The following ADK variants were observed in gnomAD, a reference collection of about 807,000 sequenced individuals.
ADK encodes the protein adenosine kinase.
ADK carries 24 observed loss-of-function variants against 44.7 expected under a neutral mutation model. The observed-to-expected ratio is 0.54, with a 90% CI of 0.39 to 0.76. ADK has a LOEUF of 0.76. ADK is among the 30% of genes least tolerant of loss of function. ADK has a pLI of 0.00. For missense variants in ADK, 321 were observed against 425.1 expected (o/e 0.76, Z 2.15); for synonymous variants, 128 against 142.6 (o/e 0.90, Z 0.73).
chr10:74,285,847 A>G lies in ADK; in HGVS notation c.195-28820A>G, dbSNP rs193138574. Among the ~76,000 whole-genome samples the G allele has an allele frequency of 3.3e-5, 5 of 152,096 alleles. No homozygotes were observed. In the East Asian group the frequency reaches 7.7e-4, roughly 23 times the overall value. On this transcript the variant is annotated intron_variant, in intron 3 of 10. Transcript: ENST00000539909. ...CTTAGTGGTTTAAAAAGTGAGTGAG[A>G]GGTTATAGTCAGGTTGGGACTATGT...
At chr10:74,655,496 G>A (rs1589339387) in intron 9 of ADK, 1 of 485,986 alleles carries the variant, frequency 2.1e-6, no homozygotes, top group Non-Finnish European at 4.2e-6. Context: ...GCTGCCACTG[G>A]CTCACTCAGG....
chr10:74,499,927 A>C (rs886370070), intron 6 of ADK, among the ~76,000 whole-genome samples: 2 of 152,150 alleles, frequency 1.3e-5, no homozygotes, highest in Non-Finnish European at 1.5e-5. Context: ...AAGAGTGAGC[A>C]GGTAGATAAG....
intron 7 of ADK, among the ~76,000 whole-genome samples, chr10:74,540,124 A>G (rs1341565761): frequency 6.6e-6 from 1 of 152,196 alleles, no homozygotes; most frequent in Non-Finnish European, 1.5e-5. Flanking sequence ...GTAAAAAGCC[A>G]TCTAATTATT....
At chr10:74,157,182 G>C (rs748679667) in intron 1 of ADK, among the ~76,000 whole-genome samples, 10 of 152,184 alleles carry the variant, frequency 6.6e-5, no homozygotes, top group Non-Finnish European at 1.3e-4. Context: ...AGAGCACCAA[G>C]CTTGGAGGTC....
chr10:74,243,629 C>G (rs1429362283), intron 3 of ADK, among the ~76,000 whole-genome samples: 1 of 152,070 alleles, frequency 6.6e-6, no homozygotes, highest in African/African-American at 2.4e-5. Flanking sequence ...GCCTGTAATC[C>G]CAGCACTTTG....
At chr10:74,178,087 G>A (rs1464692811) in intron 1 of ADK, among the ~76,000 whole-genome samples, 1 of 151,802 alleles carries the variant, frequency 6.6e-6, no homozygotes, top group Non-Finnish European at 1.5e-5. Context: ...AATTATAGGC[G>A]CCAGCCACCA....
At chr10:74,623,983 T>C (rs1157989322) in intron 9 of ADK, among the ~76,000 whole-genome samples, 1 of 152,162 alleles carries the variant, frequency 6.6e-6, no homozygotes, top group Non-Finnish European at 1.5e-5. Context: ...TTCTTTTGGC[T>C]GAAACACTGC....
chr10:74,465,519 T>C (rs1846320287), intron 6 of ADK, among the ~76,000 whole-genome samples: 2 of 152,188 alleles, frequency 1.3e-5, no homozygotes, highest in Non-Finnish European at 2.9e-5. Context: ...TTATTCTCAC[T>C]GTTATATGGA....
At chr10:74,428,908 CACA>C (rs1189868001) in intron 6 of ADK, among the ~76,000 whole-genome samples, 1 of 152,196 alleles carries the variant, frequency 6.6e-6, no homozygotes, top group African/African-American at 2.4e-5. Flanking sequence ...CTGAGAAGTA[CACA>C]ACATCATCTA....
rs181825836 is a variant in ADK at position 74,574,022 on chromosome 10, G to A, written c.727-15260G>A. 2.0e-4 allele frequency among the ~76,000 whole-genome samples: 30 copies of A among 152,200 alleles called. 1 individual carries two copies. The highest frequency in any genetic ancestry group is 1.6e-3 in the Admixed American group (25 of 15,298). ...CAGTGCGCTGCACCCACTGTCCTGCGCCCACTGTCTGGCACTCCCTAGTGA... is the reference window on the plus strand; with the variant it reads ...CAGTGCGCTGCACCCACTGTCCTGCACCCACTGTCTGGCACTCCCTAGTGA... On this transcript the variant is annotated intron_variant, in intron 7 of 10. Transcript: ENST00000539909.
chr10:74,261,264 C>T (rs1296142417), intron 3 of ADK, among the ~76,000 whole-genome samples: 2 of 152,124 alleles, frequency 1.3e-5, no homozygotes, highest in Admixed American at 6.5e-5. Flanking sequence ...GGCTAATTTG[C>T]TAATCTCCCC....
chr10:74,329,354 A>C (rs1359156589), intron 4 of ADK, among the ~76,000 whole-genome samples: 2 of 152,152 alleles, frequency 1.3e-5, no homozygotes, highest in African/African-American at 4.8e-5. Context: ...GAATTAAGCC[A>C]AGCTGGGCAA....
chr10:74,702,532 C>CTTCT (rs1436350751), intron 10 of ADK, among the ~76,000 whole-genome samples: 1 of 143,094 alleles, frequency 7.0e-6, no homozygotes, highest in Non-Finnish European at 1.5e-5. Context: ...TCTTTCCTTC[C>CTTCT]TTCCTTCCTT....
intron 6 of ADK, among the ~76,000 whole-genome samples, chr10:74,413,797 CTA>C (rs1844270798): frequency 1.3e-5 from 2 of 152,322 alleles, no homozygotes; most frequent in African/African-American, 4.8e-5. Flanking sequence ...GCCTTCCTCA[CTA>C]AACTCAATCA....
At chr10:74,419,542 C>T (rs1335671648) in intron 6 of ADK, among the ~76,000 whole-genome samples, 1 of 152,142 alleles carries the variant, frequency 6.6e-6, no homozygotes, top group Non-Finnish European at 1.5e-5. Flanking sequence ...TGACAATGCA[C>T]ACACTGCTAA....
chr10:74,642,560 T>C (rs987760976), intron 9 of ADK, among the ~76,000 whole-genome samples: 1 of 151,994 alleles, frequency 6.6e-6, no homozygotes, highest in African/African-American at 2.4e-5. Context: ...GTAATACCCT[T>C]AGTTGCAATA....
chr10:74,258,410 C>T (rs1027516721), intron 3 of ADK, among the ~76,000 whole-genome samples: 7 of 151,978 alleles, frequency 4.6e-5, no homozygotes, highest in African/African-American at 1.7e-4. Flanking sequence ...TATCTTTGAT[C>T]TTAATTTAAA....
At chr10:74,461,971 G>C (rs542655216) in intron 6 of ADK, among the ~76,000 whole-genome samples, 2 of 152,112 alleles carry the variant, frequency 1.3e-5, no homozygotes, top group East Asian at 3.9e-4. Flanking sequence ...GGTTGCATAT[G>C]GTATCTGTTA....
chr10:74,272,910 A>C (rs1184206753), intron 3 of ADK, among the ~76,000 whole-genome samples: 1 of 152,204 alleles, frequency 6.6e-6, no homozygotes, highest in Non-Finnish European at 1.5e-5. Flanking sequence ...CAAGGTCCTT[A>C]TACTGCAGAT....
Sources: gnomAD v4.1 joint callset for allele counts (sites outside exome capture counted in the v4.1 genomes callset) on GRCh38, gnomAD v4.1.1 for gene constraint, MANE v1.5 for transcripts, NCBI Gene and HGNC (gene_info 2026-07-23, HGNC 2026-07-21) for gene names.